TENM3: variants seen among roughly 807,000 people sequenced by gnomAD.
TENM3 encodes the protein teneurin transmembrane protein 3.
TENM3 carries 63 observed loss-of-function variants against 255.1 expected under a neutral mutation model. That is an observed-to-expected ratio of 0.25 (90% CI 0.20 to 0.30). The LOEUF (loss-of-function observed/expected upper bound fraction) is 0.30. TENM3 is among the 10% of genes least tolerant of loss of function. The pLI, the probability that TENM3 is intolerant of heterozygous loss-of-function variation, is 1.00. For synonymous variants in TENM3, 1,306 were observed against 1,322.3 expected, an observed-to-expected ratio of 0.99 and a Z score of 0.27; for missense variants, 2,929 against 3,461.1, an observed-to-expected ratio of 0.85 and a Z score of 3.86.
chr4:181,535,979 C>T, the TENM3 span, among the ~76,000 whole-genome samples: 3 of 151,984 alleles, frequency 2.0e-5, no homozygotes, highest in African/African-American at 7.3e-5. Context: ...GCCACATTTC[C>T]CTAATAAAAA....
chr4:182,629,755 A>G (rs894527340), intron 5 of TENM3, among the ~76,000 whole-genome samples: 1 of 152,182 alleles, frequency 6.6e-6, no homozygotes, highest in South Asian at 2.1e-4. Flanking sequence ...ATGAAATTCT[A>G]TAACTGAATA....
At chr4:181,957,065 A>G in the TENM3 span, among the ~76,000 whole-genome samples, 1 of 152,196 alleles carries the variant, frequency 6.6e-6, no homozygotes, top group Non-Finnish European at 1.5e-5. Context: ...TTCAGTTGGC[A>G]TTGCTGGAAT....
the TENM3 span, among the ~76,000 whole-genome samples, chr4:181,799,492 T>A: frequency 1.3e-5 from 2 of 152,246 alleles, no homozygotes; most frequent in African/African-American, 2.4e-5. Flanking sequence ...TTAAATTGTG[T>A]ACCTAACTCC....
At chr4:182,114,708 A>G in the TENM3 span, among the ~76,000 whole-genome samples, 1 of 152,222 alleles carries the variant, frequency 6.6e-6, no homozygotes, top group Non-Finnish European at 1.5e-5. Flanking sequence ...ACTATTGGGC[A>G]AAATCCCCAT....
intron 5 of TENM3, among the ~76,000 whole-genome samples, chr4:182,642,817 A>T (rs139695352): frequency 3.3e-5 from 5 of 152,246 alleles, no homozygotes; most frequent in African/African-American, 1.2e-4. Context: ...AATGACAACT[A>T]GAGTGCATAT....
rs201454495 is a variant in TENM3 at position 182,603,782 on chromosome 4, T to TAC, written c.749+2622_749+2623insCA. Among the ~76,000 whole-genome samples the TAC allele has an allele frequency of 2.7e-3, 341 of 127,432 alleles. 7 individuals are homozygous for TAC. Among genetic ancestry groups the TAC allele is most frequent in the East Asian group, 0.023 (71 of 3,080 alleles). 83.6% of individuals were successfully genotyped at this position (127,432 alleles called of 152,430 possible). On this transcript the variant is annotated intron_variant, in intron 4 of 27. Transcript: ENST00000511685. ...GCAATTATTTATATATATATATATA[T>TAC]ATACACACACACACCGATTTTGCTA...
intron 3 of TENM3, among the ~76,000 whole-genome samples, chr4:182,528,493 G>C (rs1739454167): frequency 6.6e-6 from 1 of 152,156 alleles, no homozygotes; most frequent in East Asian, 1.9e-4. Context: ...CTATTTCTCT[G>C]ATCTATGTAT....
At chr4:182,275,445 A>G (rs1759935116) in intron 1 of TENM3, among the ~76,000 whole-genome samples, 1 of 152,136 alleles carries the variant, frequency 6.6e-6, no homozygotes, top group African/African-American at 2.4e-5. Flanking sequence ...GGCTTTCTCA[A>G]CACCACCACA....
Position 182,688,203 on chromosome 4 carries a change from C to G in TENM3, c.2073C>G (p.Cys691Trp). 6.2e-7 allele frequency: 1 copy of G among 1,613,596 alleles called. No homozygotes were observed. The change falls in exon 12 of 28, where the codon TGC becomes TGG. Residue 691 changes from cysteine to tryptophan, a missense_variant. Cys to Trp is a radical substitution (Grantham distance 215). Coordinates refer to ENST00000511685, the MANE Select transcript of TENM3 (RefSeq NM_001080477.4). ...CSVDCGSHGV[C>W]MGGTCRCEEG... The stretch of plus-strand genomic sequence containing the variant: ...TGGACTGTGGCTCACACGGCGTTTG[C>G]ATGGGGGGGACGTGTCGCTGTGAAG...
chr4:181,526,812 C>G, the TENM3 span, among the ~76,000 whole-genome samples: 1 of 152,184 alleles, frequency 6.6e-6, no homozygotes, highest in African/African-American at 2.4e-5. Context: ...AAATTTCTCT[C>G]CAGAATGTGT....
At chr4:182,194,043 T>C (rs1753691308) in intron 1 of TENM3, among the ~76,000 whole-genome samples, 2 of 152,240 alleles carry the variant, frequency 1.3e-5, no homozygotes, top group African/African-American at 2.4e-5. Flanking sequence ...TTTTTTATTG[T>C]GCACCATTGC....
At chr4:182,270,011 A>G (rs1199937004) in intron 1 of TENM3, among the ~76,000 whole-genome samples, 1 of 152,208 alleles carries the variant, frequency 6.6e-6, no homozygotes, top group African/African-American at 2.4e-5. Flanking sequence ...TCATAGGTGG[A>G]TTCAAAGATT....
the TENM3 span, among the ~76,000 whole-genome samples, chr4:182,085,766 TATCTG>T: frequency 6.6e-6 from 1 of 152,186 alleles, no homozygotes; most frequent in Non-Finnish European, 1.5e-5. Flanking sequence ...AAACATATAT[TATCTG>T]AGCTTACAAA....
At chr4:181,823,408 T>C in the TENM3 span, among the ~76,000 whole-genome samples, 3,855 of 152,200 alleles carry the variant, frequency 0.025, 70 homozygotes, top group Non-Finnish European at 0.041. Context: ...TGTGGAAGTA[T>C]GTGAACCATT....
the TENM3 span, among the ~76,000 whole-genome samples, chr4:181,519,803 G>A: frequency 3.3e-5 from 5 of 152,178 alleles, no homozygotes; most frequent in African/African-American, 9.7e-5. Context: ...TTCAGTGTCA[G>A]TGCCTCTAAG....
the TENM3 span, among the ~76,000 whole-genome samples, chr4:181,953,030 A>T: frequency 6.6e-6 from 1 of 152,172 alleles, no homozygotes; most frequent in South Asian, 2.1e-4. Context: ...AACTCACACA[A>T]AGATCCTGAA....
the TENM3 span, among the ~76,000 whole-genome samples, chr4:181,954,557 T>A: frequency 6.6e-6 from 1 of 152,206 alleles, no homozygotes; most frequent in African/African-American, 2.4e-5. Flanking sequence ...TATTGGTTAT[T>A]GTAATCTTTA....
chr4:181,635,471 G>A, the TENM3 span, among the ~76,000 whole-genome samples: 1 of 152,210 alleles, frequency 6.6e-6, no homozygotes, highest in African/African-American at 2.4e-5. Flanking sequence ...GGGATTCGCT[G>A]CAGTTCAGCT....
At chr4:182,170,961 T>C (rs901355254) in intron 1 of TENM3, among the ~76,000 whole-genome samples, 2 of 152,184 alleles carry the variant, frequency 1.3e-5, no homozygotes, top group African/African-American at 4.8e-5. Context: ...TCGGTAGTTT[T>C]GCATGGCAAA....
Sources: allele counts gnomAD v4.1 joint callset (sites outside exome capture counted in the v4.1 genomes callset), GRCh38; gene constraint gnomAD v4.1.1; transcripts MANE v1.5; gene names NCBI Gene and HGNC (gene_info 2026-07-23, HGNC 2026-07-21).